ANO1: variants seen among roughly 807,000 people sequenced by gnomAD.
ANO1 encodes the protein anoctamin-1.
A neutral mutation model predicts 124.0 loss-of-function variants in ANO1; 59 were observed. The observed-to-expected ratio is 0.48, with a 90% CI of 0.39 to 0.59. The LOEUF is 0.59. Among genes scored for constraint, ANO1 ranks in the 20% least tolerant of loss-of-function variants. The pLI is 0.00. For missense variants in ANO1, 1,059 were observed against 1,328.0 expected (o/e 0.80, Z 3.15); for synonymous variants, 529 against 532.0 (o/e 0.99, Z 0.08).
chr11:70,104,069 C>G lies in ANO1; in HGVS notation c.611C>G (p.Pro204Arg). The G allele has an allele frequency of 6.2e-7, 1 of 1,612,824 alleles. No homozygotes were observed. The highest frequency in any genetic ancestry group is 1.1e-5 in the South Asian group (1 of 90,780). ...TCTGTGCTCCAGAAAATCACAGATCCCATCCAGCCCAAAGTGGCTGAGCAC... is the reference window on the plus strand; with the variant it reads ...TCTGTGCTCCAGAAAATCACAGATCGCATCCAGCCCAAAGTGGCTGAGCAC... ...INSVLQKITD[P>R]IQPKVAEHRP... Residue 204 changes from proline (P) to arginine (R), a missense_variant, in exon 4 of 26, where the codon CCC becomes CGC. By Grantham distance (103) the Pro-to-Arg change is moderately radical. This residue lies in a region of ANO1 where 809 missense variants were observed against 1,094.9 expected (regional missense o/e 0.74). Coordinates refer to ENST00000355303, the MANE Select transcript of ANO1 (RefSeq NM_018043.7).
At chr11:70,174,102 A>AT (rs1205340991) in intron 22 of ANO1, among the ~76,000 whole-genome samples, 3 of 149,212 alleles carry the variant, frequency 2.0e-5, no homozygotes, top group Non-Finnish European at 4.4e-5. Context: ...CGCTTGGCTG[A>AT]TTTTTTTGTA....
chr11:70,026,251 A>ATGATG (rs1856905321), intron 1 of ANO1, among the ~76,000 whole-genome samples: 2 of 141,412 alleles, frequency 1.4e-5, no homozygotes, highest in African/African-American at 2.7e-5. Context: ...TGGTGATGAC[A>ATGATG]ATGATGATGA....
At chr11:70,011,975 C>T (rs1371959254) in intron 1 of ANO1, among the ~76,000 whole-genome samples, 1 of 152,202 alleles carries the variant, frequency 6.6e-6, no homozygotes, top group African/African-American at 2.4e-5. Flanking sequence ...TTCATCCACC[C>T]ATCTATCCAT....
intron 1 of ANO1, among the ~76,000 whole-genome samples, chr11:70,033,837 G>A (rs1033306606): frequency 9.2e-5 from 14 of 152,300 alleles, no homozygotes; most frequent in Middle Eastern, 6.8e-3. Flanking sequence ...GGTTCGCTTC[G>A]TGGGTATGTG....
At chr11:70,143,379 A>G (rs1271017091) in intron 11 of ANO1, among the ~76,000 whole-genome samples, 2 of 152,162 alleles carry the variant, frequency 1.3e-5, no homozygotes, top group African/African-American at 4.8e-5. Flanking sequence ...GTGCCGCGAA[A>G]TTAGGGAAAT....
At chr11:69,994,348 CTGGG>C (rs1424259013) in intron 1 of ANO1, among the ~76,000 whole-genome samples, 6 of 151,740 alleles carry the variant, frequency 4.0e-5, no homozygotes, top group East Asian at 1.9e-4. Flanking sequence ...TCGCCTCTCC[CTGGG>C]TGGATGGGTG....
intron 1 of ANO1, among the ~76,000 whole-genome samples, chr11:70,001,477 A>G (rs1856380404): frequency 6.6e-6 from 1 of 152,080 alleles, no homozygotes; most frequent in South Asian, 2.1e-4. Flanking sequence ...CCTTCCCACC[A>G]TGCTGCCCTC....
chr11:70,092,900 C>T (rs962346849), intron 2 of ANO1, among the ~76,000 whole-genome samples: 3 of 152,150 alleles, frequency 2.0e-5, no homozygotes, highest in Non-Finnish European at 4.4e-5. Flanking sequence ...AGTGGGTTTA[C>T]AGGAGGGGCC....
At chr11:70,123,090 G>A (rs1057503216) in intron 8 of ANO1, among the ~76,000 whole-genome samples, 11 of 152,126 alleles carry the variant, frequency 7.2e-5, no homozygotes, top group Non-Finnish European at 1.0e-4. Flanking sequence ...AGGAGAGATC[G>A]CATCCTTCAG....
chr11:69,991,537 G>A (rs1035242870), intron 1 of ANO1, among the ~76,000 whole-genome samples: 2 of 152,224 alleles, frequency 1.3e-5, no homozygotes, highest in Admixed American at 1.3e-4. Context: ...GCAGTGATGG[G>A]CAAGTACCAG....
intron 1 of ANO1, among the ~76,000 whole-genome samples, chr11:70,006,546 CTTCCTTT>C (rs1565158724): frequency 1.0e-3 from 127 of 124,676 alleles, no homozygotes; most frequent in African/African-American, 3.2e-3. Flanking sequence ...CTCTTTCTTT[CTTCCTTT>C]CTTTCTTTCT....
At chr11:70,128,686 G>A (rs1486734359) in intron 10 of ANO1, among the ~76,000 whole-genome samples, 2 of 152,258 alleles carry the variant, frequency 1.3e-5, no homozygotes, top group African/African-American at 4.8e-5. Flanking sequence ...TTGCAGGGAA[G>A]CCCCAGCATG....
At chr11:69,983,857 C>T (rs4980707), upstream of ANO1, among the ~76,000 whole-genome samples, 28,369 of 152,144 alleles carry the variant, frequency 0.19, 2,720 homozygotes, top group Middle Eastern at 0.25. Context: ...CGGCTTCAAT[C>T]GGAATGAATC....
intron 20 of ANO1, among the ~76,000 whole-genome samples, chr11:70,166,392 CAGAA>C (rs2048254564): frequency 6.6e-6 from 1 of 152,170 alleles, no homozygotes; most frequent in African/African-American, 2.4e-5. Context: ...GAGAGGAAGT[CAGAA>C]TGACACCCCA....
In ANO1 at chr11:70,103,154, C is replaced by T. The variant is rs747194737; in HGVS notation, c.530C>T (p.Pro177Leu). 17 of 1,610,296 alleles carry T rather than the reference C, an allele frequency of 1.1e-5. No homozygotes were observed. Among genetic ancestry groups the T allele is most frequent in the South Asian group, 2.2e-5 (2 of 90,120 alleles). The change falls in exon 3 of 26, where the codon CCG (proline) becomes CTG (leucine). Residue 177 changes from proline to leucine, a missense_variant. By Grantham distance (98) the Pro-to-Leu change is moderately conservative (BLOSUM62 -3). Coordinates refer to ENST00000355303, the MANE Select transcript of ANO1 (RefSeq NM_018043.7). ...GCCGAGTTTCTGAAACTGAAGATGC[C>T]GACGAAGAAGGTTGGTGTTGATGGT... is the stretch of plus-strand genomic sequence containing the variant. ...REAEFLKLKM[P>L]TKKMYHINET...
chr11:70,007,331 C>G lies in ANO1; in HGVS notation c.58+21165C>G, dbSNP rs928862477. On this transcript the variant is annotated intron_variant, in intron 1 of 27. Coordinates refer to the ANO1 transcript ENST00000531349. ...TCGCTTAGTCACCCAGGCTGGAGTG[C>G]AGTGGCGCGATCTCAGCTCACGGCA... 6.4e-4 allele frequency among the ~76,000 whole-genome samples: 92 copies of G among 143,534 alleles called. 1 individual carries two copies. In the Middle Eastern group the frequency reaches 0.02, roughly 31 times the overall value. 94.2% of individuals were successfully genotyped at this position (143,534 alleles called of 152,430 possible).
chr11:70,062,078 T>C (rs1857597105), intron 1 of ANO1, among the ~76,000 whole-genome samples: 1 of 141,466 alleles, frequency 7.1e-6, no homozygotes. Flanking sequence ...TTTTTTTTTT[T>C]TTTTTTTTTT....
intron 14 of ANO1, among the ~76,000 whole-genome samples, chr11:70,154,796 G>T (rs1036758557): frequency 6.6e-6 from 1 of 152,168 alleles, no homozygotes; most frequent in African/African-American, 2.4e-5. Context: ...ACACCCCTGA[G>T]GGTCTGAGCA....
At chr11:70,004,139 G>A (rs1856439181) in intron 1 of ANO1, among the ~76,000 whole-genome samples, 1 of 152,156 alleles carries the variant, frequency 6.6e-6, no homozygotes, top group African/African-American at 2.4e-5. Context: ...TCACACAGTG[G>A]TCTCACCACC....
Sources: allele counts gnomAD v4.1 joint callset (sites outside exome capture counted in the v4.1 genomes callset), GRCh38; gene constraint gnomAD v4.1.1; regional missense constraint gnomAD v4.1.1; transcripts MANE v1.5; gene names NCBI Gene and HGNC (gene_info 2026-07-23, HGNC 2026-07-21).